The following VHL variants were observed in gnomAD, a reference collection of about 807,000 sequenced individuals.
VHL encodes von Hippel-Lindau disease tumor suppressor.
VHL carries 10 observed loss-of-function variants against 19.2 expected under a neutral mutation model. The ratio of observed to expected loss-of-function variants is 0.52; its 90% confidence interval spans 0.32 to 0.89. VHL has a LOEUF of 0.89. Ranked by LOEUF, VHL falls within the 40% of genes least tolerant of loss-of-function variation. The probability of loss-of-function intolerance (pLI) is 0.03; values close to 1 mark genes in which losing one functional copy is unlikely to be tolerated. For missense variants in VHL, 328 were observed against 292.7 expected (o/e 1.12, Z -0.88); for synonymous variants, 167 against 129.5 (o/e 1.29, Z -1.97).
intron 1 of VHL, among the ~76,000 whole-genome samples, chr3:10,144,588 G>A (rs1349473297): frequency 1.4e-5 from 2 of 144,660 alleles, no homozygotes; most frequent in East Asian, 4.2e-4. Context: ...ACGGCTCATT[G>A]CACCCTTAAC....
At position 10,146,581 on chromosome 3, in the gene VHL, T is replaced by G. The variant is rs878854125; in HGVS notation, c.408T>G (p.Phe136Leu). ...TTCTGGTTAACCAAACTGAATTATTTGTGCCATCTCTCAATGTTGACGGAC... is the reference window on the plus strand; with the variant it reads ...TTCTGGTTAACCAAACTGAATTATTGGTGCCATCTCTCAATGTTGACGGAC... Reference protein sequence around the residue: ...DGLLVNQTELFVPSLNVDGQP... With the variant: ...DGLLVNQTELLVPSLNVDGQP... Residue 136 changes from phenylalanine to leucine, a missense_variant, in exon 2 of 3, where the codon TTT becomes TTG. Physicochemically the swap from Phe to Leu is conservative, Grantham distance 22. Transcript: ENST00000256474. 4.3e-6 allele frequency: 7 copies of G among 1,613,940 alleles called. No individual in the cohort carries two copies. Among genetic ancestry groups the G allele is most frequent in the Non-Finnish European group, 5.9e-6 (7 of 1,179,958 alleles).
intron 1 of VHL, among the ~76,000 whole-genome samples, chr3:10,143,708 A>G (rs1041088317): frequency 6.6e-6 from 1 of 152,102 alleles, no homozygotes; most frequent in Admixed American, 6.6e-5. Flanking sequence ...CGGCCTCCCA[A>G]AGTGCTGGGA....
At position 10,152,799 on chromosome 3, in the gene VHL, A is replaced by AT. The variant is rs1025057311; in HGVS notation, c.*2842dup. Among the ~76,000 whole-genome samples the AT allele has an allele frequency of 2.6e-5, 4 of 151,220 alleles. No individual in the cohort carries two copies. The highest frequency in any genetic ancestry group is 5.9e-5 in the Non-Finnish European group (4 of 67,840). ...GCCACCGCGTCCAGCCAGCTTTATT[A>AT]TTTTTTTTAAGCTGTCTTTGTGTCA... On this transcript the variant is annotated 3_prime_UTR_variant, in exon 3 of 3. Transcript: ENST00000256474.
At chr3:10,148,652 T>A (rs1054254977) in intron 2 of VHL, among the ~76,000 whole-genome samples, 1 of 148,108 alleles carries the variant, frequency 6.8e-6, no homozygotes, top group African/African-American at 2.5e-5. Flanking sequence ...TTATGTGTTT[T>A]GTGACTACCA....
intron 1 of VHL, among the ~76,000 whole-genome samples, chr3:10,144,332 TAGC>T (rs1696201199): frequency 6.6e-6 from 1 of 151,484 alleles, no homozygotes; most frequent in Admixed American, 6.6e-5. Flanking sequence ...CTTGAAAAAT[TAGC>T]AGGGCACATT....
At chr3:10,147,358 T>TG (rs1229622147) in intron 2 of VHL, among the ~76,000 whole-genome samples, 24 of 48,892 alleles carry the variant, frequency 4.9e-4, no homozygotes, top group African/African-American at 1.9e-3. Flanking sequence ...CAATCAGAGG[T>TG]GTTTTTTTTT....
At position 10,150,988 on chromosome 3, in the gene VHL, G is replaced by A. The variant is rs1681669; in HGVS notation, c.*1023G>A. ...GGCTCACTGCAACCTCTGCCTCCTG[G>A]GTTCACGTAATCCTCCTGAGTAGCT... is the stretch of plus-strand genomic sequence containing the variant. On this transcript the variant is annotated 3_prime_UTR_variant, in exon 3 of 3. Transcript: ENST00000256474. The A allele has an allele frequency of 0.62, 122,661 of 197,252 alleles. 39,981 individuals carry two copies. Among genetic ancestry groups the A allele is most frequent in the East Asian group, 0.75 (9,496 of 12,698 alleles). 12.2% of individuals were successfully genotyped at this position (197,252 alleles called of 1,614,324 possible).
chr3:10,147,530 A>G (rs886122700), intron 2 of VHL, among the ~76,000 whole-genome samples: 4 of 150,972 alleles, frequency 2.6e-5, no homozygotes, highest in African/African-American at 9.7e-5. Context: ...ACACCTGGCT[A>G]ATTTTTGTAT....
rs1017473934 is a variant in VHL at position 10,152,107 on chromosome 3, C to G, written c.*2142C>G. 1.2e-5 allele frequency: 2 copies of G among 160,862 alleles called. No individual in the cohort carries two copies. Among genetic ancestry groups the G allele is most frequent in the Non-Finnish European group, 2.7e-5 (2 of 73,552 alleles). The allele number at this position is 160,862 out of a possible 1,614,324, so 10.0% of individuals were successfully genotyped here. On this transcript the variant is annotated 3_prime_UTR_variant, in exon 3 of 3. Transcript: ENST00000256474. ...ATCAGGCCGGGCATGGTGGCTCACG[C>G]CTGTAATCCCAGCACTTTGGGAGGT...
rs1016169860 is a variant in VHL at position 10,151,372 on chromosome 3, A to G, written c.*1407A>G. The stretch of plus-strand genomic sequence containing the variant: ...AGACTCAGTTTTTTGTAACTAATAG[A>G]TTTTTTTTTCCACTTTTGTTCTACT... On this transcript the variant is annotated 3_prime_UTR_variant, in exon 3 of 3. Transcript: ENST00000256474. 34 of 216,998 alleles carry G rather than the reference A, an allele frequency of 1.6e-4. No homozygotes were observed. Among genetic ancestry groups the G allele is most frequent in the African/African-American group, 7.2e-4 (32 of 44,498 alleles). The allele number at this position is 216,998 out of a possible 1,614,324, so 13.4% of individuals were successfully genotyped here. A position where few individuals can be genotyped will look rare whatever the true frequency, so the allele number is the denominator to read the frequency against.
chr3:10,143,244 C>A (rs1188479323), intron 1 of VHL, among the ~76,000 whole-genome samples: 2 of 152,074 alleles, frequency 1.3e-5, no homozygotes. Context: ...GGTTCTCTTG[C>A]CTCAGCCTCC....
chr3:10,145,911 T>A (rs990258232), intron 1 of VHL, among the ~76,000 whole-genome samples: 1 of 152,088 alleles, frequency 6.6e-6, no homozygotes, highest in African/African-American at 2.4e-5. Flanking sequence ...TGACCTAGGC[T>A]TCCCTTTTCC....
At chr3:10,143,316 C>T (rs995613060) in intron 1 of VHL, among the ~76,000 whole-genome samples, 8 of 151,070 alleles carry the variant, frequency 5.3e-5, no homozygotes, top group Non-Finnish European at 7.4e-5. Context: ...TTAGTAGAGA[C>T]GGGGGTTTCG....
At chr3:10,145,705 CAAA>C (rs35732631) in intron 1 of VHL, among the ~76,000 whole-genome samples, 3 of 133,766 alleles carry the variant, frequency 2.2e-5, no homozygotes, top group African/African-American at 2.8e-5. Context: ...GACTGCATCT[CAAA>C]AAAAAAAAAA....
chr3:10,149,400 A>G (rs1413068715), intron 2 of VHL, among the ~76,000 whole-genome samples: 1 of 152,140 alleles, frequency 6.6e-6, no homozygotes, highest in African/African-American at 2.4e-5. Context: ...GGCATGAACC[A>G]CCATGCCTGG....
intron 1 of VHL, among the ~76,000 whole-genome samples, 192 bp from the exon 2 acceptor site, chr3:10,146,322 C>T (rs1010745636): frequency 6.7e-5 from 4 of 59,846 alleles, no homozygotes; most frequent in Middle Eastern, 9.3e-3. Flanking sequence ...TACAGGCGCT[C>T]GCCACCACAC....
chr3:10,146,008 C>CCTT (rs59722349), intron 1 of VHL, among the ~76,000 whole-genome samples: 22 of 151,562 alleles, frequency 1.5e-4, no homozygotes, highest in Non-Finnish European at 2.8e-4. Flanking sequence ...TGTCACTTCT[C>CCTT]TCAGACTTGT....
In VHL at chr3:10,151,794, G is replaced by A. The variant is rs757233828; in HGVS notation, c.*1829G>A. On this transcript the variant is annotated 3_prime_UTR_variant, in exon 3 of 3. Transcript: ENST00000256474. ...AAAAATGAGAGTGACGGCTGGCATGGTGGCTCCCGCCTGTAATCCCAGTAC... is the reference window on the plus strand; with the variant it reads ...AAAAATGAGAGTGACGGCTGGCATGATGGCTCCCGCCTGTAATCCCAGTAC... 7.0e-4 allele frequency: 142 copies of A among 201,930 alleles called. No homozygotes were observed. The highest frequency in any genetic ancestry group is 1.3e-3 in the Non-Finnish European group (126 of 98,268). The allele number at this position is 201,930 out of a possible 1,614,324, so 12.5% of individuals were successfully genotyped here.
rs539201437 is a variant in VHL, at chr3:10,151,656, A to G, written c.*1691A>G. 1.2e-4 allele frequency: 25 copies of G among 216,784 alleles called. No homozygotes were observed. The highest frequency in any genetic ancestry group is 1.9e-4 in the Non-Finnish European group (20 of 107,776). 13.4% of individuals were successfully genotyped at this position (216,784 alleles called of 1,614,324 possible). A position where few individuals can be genotyped will look rare whatever the true frequency, so the allele number is the denominator to read the frequency against. On this transcript the variant is annotated 3_prime_UTR_variant, in exon 3 of 3. Coordinates refer to ENST00000256474, the MANE Select transcript of VHL (RefSeq NM_000551.4). ...CTTAAATATTGCTCTATGTTAGTAT[A>G]AGCTTTTCACAAACATTAGTATAGT...
Sources: gnomAD v4.1 joint callset for allele counts (sites outside exome capture counted in the v4.1 genomes callset) on GRCh38, gnomAD v4.1.1 for gene constraint, MANE v1.5 for transcripts, NCBI Gene and HGNC (gene_info 2026-07-23, HGNC 2026-07-21) for gene names.